Variants in MAPKAP1 observed in about 807,000 individuals in gnomAD.
The protein encoded by MAPKAP1 is MAPK associated protein 1, also known as target of rapamycin complex 2 subunit MAPKAP1.
MAPKAP1 carries 20 observed loss-of-function variants against 65.7 expected under a neutral mutation model. The ratio of observed to expected loss-of-function variants is 0.30; its 90% CI spans 0.21 to 0.44. The LOEUF is 0.44. Ranked by LOEUF, MAPKAP1 falls within the 20% of genes least tolerant of loss-of-function variation. MAPKAP1 has a pLI of 1.00. For missense variants in MAPKAP1, 423 were observed against 648.0 expected (o/e 0.65, Z 3.77); for synonymous variants, 222 against 244.3 (o/e 0.91, Z 0.85).
At chr9:125,649,813 A>AAAAAG (rs1049944782) in intron 4 of MAPKAP1, among the ~76,000 whole-genome samples, 12 of 151,958 alleles carry the variant, frequency 7.9e-5, no homozygotes, top group African/African-American at 2.9e-4. Flanking sequence ...AAAAAAAAAA[A>AAAAAG]AAAAGAAAAG....
chr9:125,620,936 C>T (rs1293800004), intron 4 of MAPKAP1, among the ~76,000 whole-genome samples: 1 of 152,062 alleles, frequency 6.6e-6, no homozygotes, highest in African/African-American at 2.4e-5. Context: ...AAATGTATCA[C>T]CTATTTAACA....
In MAPKAP1 at chr9:125,604,213, A is replaced by C. The variant is rs555686452; in HGVS notation, c.499-18486T>G. Among the ~76,000 whole-genome samples the C allele has an allele frequency of 1.1e-4, 17 of 152,374 alleles. No homozygotes were observed. The South Asian group carries it at 3.3e-3, about 30-fold the overall frequency. ...AACCCAGTAATTCCCTGTTATACAAAGCATAACAAAGTATGAATATTTAAA... is the reference window on the plus strand; with the variant it reads ...AACCCAGTAATTCCCTGTTATACAACGCATAACAAAGTATGAATATTTAAA... On this transcript the variant is annotated intron_variant, in intron 4 of 11. Coordinates refer to ENST00000265960, the MANE Select transcript of MAPKAP1 (RefSeq NM_001006617.3).
At position 125,543,049 on chromosome 9, in the gene MAPKAP1, A is replaced by G. The variant is rs768137507; in HGVS notation, c.958+10T>C. 1 of 1,560,062 alleles carries G rather than the reference A, an allele frequency of 6.4e-7. No homozygotes were observed. The highest frequency in any genetic ancestry group is 1.1e-5 in the South Asian group (1 of 89,998). ...TCTACTACTGTGAGAATATGATTTA[A>G]CTATCCCACCTGAAACTTTCTGGGA... On this transcript the variant is annotated intron_variant, in intron 7 of 11. Transcript: ENST00000265960.
intron 10 of MAPKAP1, among the ~76,000 whole-genome samples, chr9:125,465,924 G>C (rs113229438): frequency 0.015 from 2,211 of 152,266 alleles, 18 homozygotes; most frequent in South Asian, 0.042. Context: ...GCATATTCCA[G>C]GCAGTGGGAA....
intron 10 of MAPKAP1, among the ~76,000 whole-genome samples, chr9:125,445,484 G>C (rs1254138915): frequency 1.3e-5 from 2 of 152,258 alleles, no homozygotes; most frequent in East Asian, 3.8e-4. Context: ...TCTTGGGTGA[G>C]TCTTCATAAC....
At chr9:125,610,141 C>T (rs138146525) in intron 4 of MAPKAP1, among the ~76,000 whole-genome samples, 1 of 152,316 alleles carries the variant, frequency 6.6e-6, no homozygotes. Flanking sequence ...TTTGAATCAA[C>T]ATTTGCATGA....
intron 4 of MAPKAP1, among the ~76,000 whole-genome samples, chr9:125,649,018 C>A (rs895408361): frequency 2.6e-5 from 4 of 152,096 alleles, no homozygotes; most frequent in Admixed American, 2.6e-4. Context: ...CTAGGTGGAG[C>A]CTAGGCTGTC....
At chr9:125,520,355 A>C (rs868477790) in intron 7 of MAPKAP1, among the ~76,000 whole-genome samples, 59 of 152,310 alleles carry the variant, frequency 3.9e-4, no homozygotes, top group Non-Finnish European at 5.4e-4. Context: ...CTAGTTCTCT[A>C]GGAGAGGCTG....
chr9:125,676,596 T>A (rs1834651948), intron 1 of MAPKAP1, among the ~76,000 whole-genome samples: 1 of 152,206 alleles, frequency 6.6e-6, no homozygotes, highest in South Asian at 2.1e-4. Flanking sequence ...CTAACAGCAG[T>A]TGCTAGGAGC....
chr9:125,512,266 C>T (rs1325513815), intron 7 of MAPKAP1, among the ~76,000 whole-genome samples: 1 of 152,250 alleles, frequency 6.6e-6, no homozygotes, highest in Non-Finnish European at 1.5e-5. Flanking sequence ...GCCTCCATTG[C>T]TCTGTGTCTT....
intron 11 of MAPKAP1, among the ~76,000 whole-genome samples, chr9:125,440,769 G>A (rs556398632): frequency 3.3e-5 from 5 of 152,314 alleles, no homozygotes; most frequent in African/African-American, 1.2e-4. Flanking sequence ...TAAATCATGA[G>A]GACCGCAGGG....
At chr9:125,569,279 C>G (rs543294111) in intron 5 of MAPKAP1, among the ~76,000 whole-genome samples, 22 of 152,284 alleles carry the variant, frequency 1.4e-4, no homozygotes, top group Non-Finnish European at 3.1e-4. Flanking sequence ...TAGTTAAAAG[C>G]CTTTGCAAGC....
intron 1 of MAPKAP1, among the ~76,000 whole-genome samples, chr9:125,702,952 A>G (rs940758617): frequency 6.6e-6 from 1 of 152,212 alleles, no homozygotes; most frequent in Non-Finnish European, 1.5e-5. Context: ...TGAGCCCAGA[A>G]TTCAAGGCTG....
At chr9:125,675,920 ACTATTCAACTTATT>A (rs1564612788) in intron 1 of MAPKAP1, among the ~76,000 whole-genome samples, 1 of 152,202 alleles carries the variant, frequency 6.6e-6, no homozygotes, top group East Asian at 1.9e-4. Flanking sequence ...CCCTTGGAAC[ACTATTCAACTTATT>A]CTAACAAGAC....
chr9:125,474,125 C>T (rs570393768), intron 9 of MAPKAP1, among the ~76,000 whole-genome samples: 28 of 152,130 alleles, frequency 1.8e-4, no homozygotes, highest in African/African-American at 6.5e-4. Flanking sequence ...CAGGGAGCCA[C>T]GAGAAGGAGG....
At chr9:125,477,676 C>T (rs562495763) in intron 9 of MAPKAP1, among the ~76,000 whole-genome samples, 1 of 152,290 alleles carries the variant, frequency 6.6e-6, no homozygotes, top group South Asian at 2.1e-4. Flanking sequence ...TTCTGCCAGC[C>T]AGCCAACAAA....
intron 9 of MAPKAP1, among the ~76,000 whole-genome samples, chr9:125,473,496 C>T (rs1008546583): frequency 6.6e-6 from 1 of 152,182 alleles, no homozygotes; most frequent in Non-Finnish European, 1.5e-5. Flanking sequence ...CCTACATCAA[C>T]GCCAGCATAT....
At chr9:125,651,361 T>C (rs549628580) in intron 4 of MAPKAP1, among the ~76,000 whole-genome samples, 3 of 152,138 alleles carry the variant, frequency 2.0e-5, no homozygotes, top group African/African-American at 4.8e-5. Context: ...TCCCAGCACT[T>C]TGGGAGGCCG....
intron 8 of MAPKAP1, among the ~76,000 whole-genome samples, chr9:125,499,927 C>A (rs558295632): frequency 6.6e-6 from 1 of 152,180 alleles, no homozygotes; most frequent in Non-Finnish European, 1.5e-5. Context: ...GTCAAGGCTG[C>A]AGTGAGCTGT....
Sources: allele counts gnomAD v4.1 joint callset (sites outside exome capture counted in the v4.1 genomes callset), GRCh38; gene constraint gnomAD v4.1.1; transcripts MANE v1.5; gene names NCBI Gene and HGNC (gene_info 2026-07-23, HGNC 2026-07-21).